Variants in PRDM6 observed in about 807,000 individuals in gnomAD.
PRDM6 encodes the protein PR/SET domain 6, also known as putative histone-lysine N-methyltransferase PRDM6.
A neutral mutation model predicts 60.8 loss-of-function variants in PRDM6; 25 were observed. The observed-to-expected ratio is 0.41, with a 90% CI of 0.30 to 0.57. The LOEUF (loss-of-function observed/expected upper bound fraction) is 0.57. Ranked by LOEUF, PRDM6 falls within the 20% of genes least tolerant of loss-of-function variation. PRDM6 has a pLI of 0.27. For missense variants in PRDM6, 839 were observed against 821.3 expected, an observed-to-expected ratio of 1.02 and a Z score of -0.26; for synonymous variants, 407 against 357.4, an observed-to-expected ratio of 1.14 and a Z score of -1.57.
At chr5:123,116,826 T>C (rs1268329815) in intron 3 of PRDM6, among the ~76,000 whole-genome samples, 2 of 152,140 alleles carry the variant, frequency 1.3e-5, no homozygotes, top group African/African-American at 4.8e-5. Flanking sequence ...AGTAAGGAAA[T>C]GCCCAGAAAA....
intron 3 of PRDM6, among the ~76,000 whole-genome samples, chr5:123,110,967 A>G (rs1047408589): frequency 1.3e-5 from 2 of 152,110 alleles, no homozygotes; most frequent in Admixed American, 1.3e-4. Flanking sequence ...TTCCCACAGT[A>G]ATATCTGTGC....
intron 7 of PRDM6, among the ~76,000 whole-genome samples, chr5:123,183,359 C>T (rs936811704): frequency 3.9e-5 from 6 of 152,190 alleles, no homozygotes; most frequent in Non-Finnish European, 5.9e-5. Context: ...AAGCCCTTTA[C>T]AACTTCTAAA....
At chr5:123,100,476 C>G (rs1225337595) in intron 3 of PRDM6, among the ~76,000 whole-genome samples, 1 of 152,076 alleles carries the variant, frequency 6.6e-6, no homozygotes, top group Non-Finnish European at 1.5e-5. Context: ...ACAATTTTGT[C>G]AAAGTTGAAC....
At chr5:123,130,519 A>C (rs1010993982) in intron 3 of PRDM6, among the ~76,000 whole-genome samples, 1 of 151,342 alleles carries the variant, frequency 6.6e-6, no homozygotes, top group African/African-American at 2.4e-5. Flanking sequence ...TCAGGCACAC[A>C]GAATCTTTTT....
intron 3 of PRDM6, among the ~76,000 whole-genome samples, chr5:123,133,963 G>C (rs548680085): frequency 8.1e-4 from 124 of 152,172 alleles, no homozygotes; most frequent in African/African-American, 3.0e-3. Flanking sequence ...TTTATCAAAT[G>C]CCACACGAAC....
rs1766466610 is a variant in PRDM6 at position 123,193,327 on chromosome 5, C to CT, written c.*6129dup. On this transcript the variant is annotated 3_prime_UTR_variant, in exon 8 of 8. Transcript: ENST00000407847. ...GGAGATCTATTTCTACAGCACAACT[C>CT]TTTCATGTTTAAAAGCAATTATGCC... 1 of 152,148 alleles carries CT rather than the reference C, an allele frequency of 6.6e-6. No individual in the cohort carries two copies. Among genetic ancestry groups the CT allele is most frequent in the African/African-American group, 2.4e-5 (1 of 41,438 alleles). The allele number at this position is 152,148 out of a possible 1,614,324, so 9.4% of individuals were successfully genotyped here. A position where few individuals can be genotyped will look rare whatever the true frequency, so the allele number is the denominator to read the frequency against.
intron 3 of PRDM6, among the ~76,000 whole-genome samples, chr5:123,101,751 T>C (rs1289529634): frequency 6.6e-6 from 1 of 152,216 alleles, no homozygotes. Flanking sequence ...CAGAAGGCTT[T>C]GAATGATTGG....
At position 123,170,950 on chromosome 5, in the gene PRDM6, C is replaced by A; in HGVS notation, c.1338C>A (p.Ile446=). The A allele has an allele frequency of 6.4e-7, 1 of 1,551,890 alleles. No homozygotes were observed. Among genetic ancestry groups the A allele is most frequent in the Non-Finnish European group, 8.7e-7 (1 of 1,147,036 alleles). ...CCATTGAATCAGGATTTAATCAAAT[C>A]AACGTGAAAAACCAGCGAGTCCTGG... The part of the protein sequence containing the change: ...SGPIESGFNQ[I]NVKNQRVLAS... Residue 446 remains isoleucine, a synonymous_variant, in exon 6 of 8, where the codon ATC becomes ATA. Coordinates refer to ENST00000407847, the MANE Select transcript of PRDM6 (RefSeq NM_001136239.4).
At chr5:123,094,199 G>A (rs990759288) in intron 2 of PRDM6, among the ~76,000 whole-genome samples, 18 of 152,182 alleles carry the variant, frequency 1.2e-4, no homozygotes, top group African/African-American at 4.3e-4. Context: ...GACAAAGGAG[G>A]GCGAGTGTTT....
At chr5:123,110,433 G>A (rs335193) in intron 3 of PRDM6, among the ~76,000 whole-genome samples, 29,299 of 150,920 alleles carry the variant, frequency 0.19, 2,980 homozygotes, top group African/African-American at 0.21. Context: ...TAATTTTTGT[G>A]TATTTAGTAG....
At chr5:123,105,318 G>A (rs1197910235) in intron 3 of PRDM6, among the ~76,000 whole-genome samples, 5 of 152,282 alleles carry the variant, frequency 3.3e-5, no homozygotes, top group Non-Finnish European at 7.4e-5. Context: ...AGGTTAGTGG[G>A]TAAATGAAAC....
At chr5:123,139,450 T>G (rs1765048066) in intron 3 of PRDM6, among the ~76,000 whole-genome samples, 2 of 152,194 alleles carry the variant, frequency 1.3e-5, no homozygotes, top group Admixed American at 1.3e-4. Context: ...TCAGAAGAGA[T>G]GCACCTAATA....
Position 123,090,415 on chromosome 5 carries a change from C to T in PRDM6, c.401C>T (p.Pro134Leu), listed in dbSNP as rs780374417. The change falls in exon 2 of 8, where the codon CCC (proline) becomes CTC (leucine). Residue 134 changes from proline to leucine, a missense_variant. Pro to Leu is a moderately conservative substitution (Grantham distance 98, BLOSUM62 -3). Transcript: ENST00000407847. ...GCCGTCGCCGCCGAGCCGCTGCCCC[C>T]CAAGGAACTGTGCCTCGGCGCCACC... ...AAAVAAEPLP[P>L]KELCLGATSG... The T allele has an allele frequency of 2.9e-4, 423 of 1,461,730 alleles. 1 individual carries two copies. Among genetic ancestry groups the T allele is most frequent in the Non-Finnish European group, 3.0e-4 (339 of 1,115,020 alleles). 90.5% of individuals were successfully genotyped at this position (1,461,730 alleles called of 1,614,324 possible). A position where few individuals can be genotyped will look rare whatever the true frequency, so the allele number is the denominator to read the frequency against.
At chr5:123,184,141 G>A (rs1230284606) in intron 7 of PRDM6, among the ~76,000 whole-genome samples, 1 of 152,042 alleles carries the variant, frequency 6.6e-6, no homozygotes, top group East Asian at 1.9e-4. Context: ...TACATACAAA[G>A]CCCTGTGCAA....
chr5:123,134,728 A>G (rs1179646389), intron 3 of PRDM6, among the ~76,000 whole-genome samples: 2 of 152,188 alleles, frequency 1.3e-5, no homozygotes, highest in Admixed American at 6.5e-5. Flanking sequence ...ATCATTTTCA[A>G]TATAGGATTT....
chr5:123,090,086 G>T lies in PRDM6; in HGVS notation c.72G>T (p.Gln24His). 1 of 1,547,382 alleles carries T rather than the reference G, an allele frequency of 6.5e-7. No homozygotes were observed. Among genetic ancestry groups the T allele is most frequent in the South Asian group, 1.2e-5 (1 of 84,014 alleles). The change falls in exon 2 of 8, where the codon CAG becomes CAT. Residue 24 changes from glutamine (Q) to histidine (H), a missense_variant. Physicochemically the swap from Gln to His is conservative, Grantham distance 24 (BLOSUM62 0). Around this residue, in one of 2 missense-constraint regions of PRDM6, gnomAD observed 730 missense variants for 648.8 expected, o/e 1.13. Transcript: ENST00000407847. Reference protein sequence around the residue: ...KVDPAYLQHWQQLFPHGGAGP... With the variant: ...KVDPAYLQHWHQLFPHGGAGP... Reference sequence around the variant, plus strand: ...ACCCAGCCTACCTGCAGCACTGGCAGCAACTCTTCCCTCACGGAGGCGCAG... The same window carrying T: ...ACCCAGCCTACCTGCAGCACTGGCATCAACTCTTCCCTCACGGAGGCGCAG...
chr5:123,179,509 C>G (rs1476716147), intron 6 of PRDM6, among the ~76,000 whole-genome samples: 3 of 152,158 alleles, frequency 2.0e-5, no homozygotes, highest in African/African-American at 7.2e-5. Flanking sequence ...AGTGATTATG[C>G]TATAAGTCCA....
intron 2 of PRDM6, among the ~76,000 whole-genome samples, chr5:123,095,575 G>C (rs1355890338): frequency 6.6e-6 from 1 of 152,264 alleles, no homozygotes; most frequent in Non-Finnish European, 1.5e-5. Context: ...GGCTGGGATC[G>C]ATGGGCGCCG....
rs143992871 is a variant in PRDM6, at chr5:123,171,637, A to T, written c.1496+529A>T. Among the ~76,000 whole-genome samples the T allele has an allele frequency of 3.9e-4, 59 of 152,334 alleles. 1 individual carries two copies. The East Asian group carries it at 0.011, about 29-fold the overall frequency. The stretch of plus-strand genomic sequence containing the variant: ...AATACCTACTCTGCTAGTGATGTGG[A>T]GGAAAACAGATGCCACTTATTCAAT... On this transcript the variant is annotated intron_variant, in intron 6 of 7. Coordinates refer to ENST00000407847, the MANE Select transcript of PRDM6 (RefSeq NM_001136239.4).
Sources: gnomAD v4.1 joint callset for allele counts (sites outside exome capture counted in the v4.1 genomes callset) on GRCh38, gnomAD v4.1.1 for gene constraint, gnomAD v4.1.1 regional missense constraint, MANE v1.5 for transcripts, NCBI Gene and HGNC (gene_info 2026-07-23, HGNC 2026-07-21) for gene names.